PDE1A: variants seen among roughly 807,000 people sequenced by gnomAD.
PDE1A encodes dual specificity calcium/calmodulin-dependent 3',5'-cyclic nucleotide phosphodiesterase 1A.
A neutral mutation model predicts 61.7 loss-of-function variants in PDE1A; 35 were observed. The ratio of observed to expected loss-of-function variants is 0.57; its 90% CI spans 0.43 to 0.75. The LOEUF is 0.75. Among genes scored for constraint, PDE1A ranks in the 30% least tolerant of loss-of-function variants. The pLI, the probability that PDE1A is intolerant of heterozygous loss-of-function variation, is 0.00. For synonymous variants in PDE1A, 232 were observed against 213.2 expected, an observed-to-expected ratio of 1.09 and a Z score of -0.77; for missense variants, 597 against 630.6, an observed-to-expected ratio of 0.95 and a Z score of 0.57.
chr2:182,199,185 G>T (rs972345205), intron 10 of PDE1A, among the ~76,000 whole-genome samples: 2 of 151,822 alleles, frequency 1.3e-5, no homozygotes, highest in African/African-American at 4.8e-5. Flanking sequence ...GCTCTATAAT[G>T]ATATTCTCTC....
At chr2:182,286,333 C>T (rs951862013) in intron 1 of PDE1A, among the ~76,000 whole-genome samples, 3 of 152,116 alleles carry the variant, frequency 2.0e-5, no homozygotes, top group Non-Finnish European at 4.4e-5. Context: ...CTCTGATTTT[C>T]AATCAAGTTT....
the PDE1A span, among the ~76,000 whole-genome samples, chr2:182,578,086 T>G: frequency 1.3e-5 from 2 of 152,200 alleles, no homozygotes; most frequent in African/African-American, 4.8e-5. Context: ...AGAAGGCTTT[T>G]CTTTTTCCAT....
rs565860880 is a variant in PDE1A, at chr2:182,203,448, A to G, written c.903-1659T>C. Among the ~76,000 whole-genome samples, 3 of 152,352 alleles carry G rather than the reference A, an allele frequency of 2.0e-5. No homozygotes were observed. The South Asian group carries it at 6.2e-4, about 32-fold the overall frequency. On this transcript the variant is annotated intron_variant, in intron 8 of 13. Coordinates refer to ENST00000351439, the Ensembl canonical transcript of PDE1A. ...TCTGCTTACTTACTTTTATTCAAGT[A>G]GTAAGGGAAAGGAAGCTATTAATAA...
chr2:182,214,367 A>C (rs1383784593), intron 7 of PDE1A, among the ~76,000 whole-genome samples: 3 of 151,976 alleles, frequency 2.0e-5, no homozygotes, highest in Non-Finnish European at 4.4e-5. Context: ...TAACGAGCAA[A>C]ATAACCAGCC....
intron 1 of PDE1A, among the ~76,000 whole-genome samples, chr2:182,386,293 T>C (rs1214579710): frequency 6.7e-6 from 1 of 150,256 alleles, no homozygotes; most frequent in African/African-American, 2.5e-5. Flanking sequence ...GGAGCGTCTC[T>C]GCTTGGCCGC....
the PDE1A span, among the ~76,000 whole-genome samples, chr2:182,680,383 G>GT: frequency 6.6e-6 from 1 of 151,680 alleles, no homozygotes; most frequent in Non-Finnish European, 1.5e-5. Flanking sequence ...GCTAATTTTT[G>GT]TTTTTTTTGT....
the PDE1A span, among the ~76,000 whole-genome samples, chr2:182,699,161 C>T: frequency 6.6e-6 from 1 of 152,186 alleles, no homozygotes. Context: ...GTAATATTCT[C>T]ACTCCATGAA....
At chr2:182,212,020 T>C (rs765384942) in intron 7 of PDE1A, among the ~76,000 whole-genome samples, 8 of 151,046 alleles carry the variant, frequency 5.3e-5, no homozygotes, top group Non-Finnish European at 1.0e-4. Flanking sequence ...ATTGCATTAG[T>C]ATTGCATACT....
At chr2:182,347,194 TCAGAAA>T (rs1411260291) in intron 1 of PDE1A, among the ~76,000 whole-genome samples, 4 of 152,020 alleles carry the variant, frequency 2.6e-5, no homozygotes, top group Admixed American at 2.6e-4. Flanking sequence ...TAAATCCTGA[TCAGAAA>T]ATTTTTAATT....
chr2:182,496,255 C>T (rs1410596563), intron 2 of PDE1A, among the ~76,000 whole-genome samples: 1 of 151,056 alleles, frequency 6.6e-6, no homozygotes, highest in Non-Finnish European at 1.5e-5. Flanking sequence ...AAAATATTGT[C>T]CAGCATTTAA....
At chr2:182,213,100 T>TCCCTGAC (rs762605527) in intron 7 of PDE1A, among the ~76,000 whole-genome samples, 3 of 150,382 alleles carry the variant, frequency 2.0e-5, no homozygotes, top group South Asian at 2.1e-4. Flanking sequence ...CTCAAGTGGG[T>TCCCTGAC]CCCTGACCCC....
At position 182,248,746 on chromosome 2, in the gene PDE1A, T is replaced by C. The variant is rs560104869; in HGVS notation, c.168-8454A>G. ...TACTGATGTGGTTATTTCTGGGCAATTGGTACCCGCAATTACACCTTCTAA... is the reference window on the plus strand; with the variant it reads ...TACTGATGTGGTTATTTCTGGGCAACTGGTACCCGCAATTACACCTTCTAA... On this transcript the variant is annotated intron_variant, in intron 2 of 13. Transcript: ENST00000351439. Among the ~76,000 whole-genome samples the C allele has an allele frequency of 2.6e-5, 4 of 152,252 alleles. No homozygotes were observed. In the East Asian group the frequency reaches 5.8e-4, roughly 22 times the overall value.
intron 1 of PDE1A, among the ~76,000 whole-genome samples, chr2:182,362,473 T>C (rs941094117): frequency 6.6e-6 from 1 of 152,192 alleles, no homozygotes; most frequent in Non-Finnish European, 1.5e-5. Context: ...CCAACTGTCC[T>C]GGCCTGCACA....
At chr2:182,200,410 A>G (rs73977303) in intron 10 of PDE1A, among the ~76,000 whole-genome samples, 18 of 152,274 alleles carry the variant, frequency 1.2e-4, no homozygotes, top group African/African-American at 4.1e-4. Context: ...CAATGGTTTA[A>G]TCAACCATGC....
rs979862387 is a variant in PDE1A, at chr2:182,459,253, A to C, written c.101+63023T>G. On this transcript the variant is annotated intron_variant, in intron 2 of 14. Coordinates refer to the PDE1A transcript ENST00000410103. ...GACAGAAGTCCTAATACAAAGCACT[A>C]AATGCTTAACATCTTAAGAGAGAAG... 3.3e-5 allele frequency among the ~76,000 whole-genome samples: 5 copies of C among 152,198 alleles called. No individual in the cohort carries two copies. In the East Asian group the frequency reaches 9.7e-4, roughly 29 times the overall value.
At chr2:182,588,991 C>T in the PDE1A span, among the ~76,000 whole-genome samples, 3 of 150,162 alleles carry the variant, frequency 2.0e-5, no homozygotes, top group South Asian at 2.1e-4. Flanking sequence ...TGCACTGAGC[C>T]GAGATGGCAC....
intron 2 of PDE1A, among the ~76,000 whole-genome samples, chr2:182,493,296 TA>T (rs1435122581): frequency 6.6e-6 from 1 of 151,410 alleles, no homozygotes; most frequent in African/African-American, 2.4e-5. Context: ...TTTTTATATA[TA>T]TATACTTTAA....
the PDE1A span, among the ~76,000 whole-genome samples, chr2:182,571,392 T>C: frequency 6.6e-6 from 1 of 152,002 alleles, no homozygotes; most frequent in African/African-American, 2.4e-5. Flanking sequence ...TTCAAGAAAA[T>C]AGCATAAAAT....
At chr2:182,330,749 A>G (rs1339801222) in intron 1 of PDE1A, among the ~76,000 whole-genome samples, 1 of 152,086 alleles carries the variant, frequency 6.6e-6, no homozygotes, top group Non-Finnish European at 1.5e-5. Flanking sequence ...TAGTCCTCAA[A>G]ATATAAAAAG....
Sources: allele counts gnomAD v4.1 joint callset (sites outside exome capture counted in the v4.1 genomes callset), GRCh38; gene constraint gnomAD v4.1.1; transcripts MANE v1.5; gene names NCBI Gene and HGNC (gene_info 2026-07-23, HGNC 2026-07-21).